SPPL2A: variants seen among roughly 807,000 people sequenced by gnomAD.
SPPL2A encodes the protein signal peptide peptidase-like 2A.
SPPL2A carries 51 observed loss-of-function variants against 63.8 expected under a neutral mutation model. The observed-to-expected ratio is 0.80, with a 90% CI of 0.64 to 1.01. The LOEUF (loss-of-function observed/expected upper bound fraction) is 1.01. SPPL2A is among the 50% of genes least tolerant of loss of function. SPPL2A has a pLI of 0.00. For missense variants in SPPL2A, 553 were observed against 622.7 expected (o/e 0.89, Z 1.19); for synonymous variants, 188 against 205.8 (o/e 0.91, Z 0.74).
intron 2 of SPPL2A, among the ~76,000 whole-genome samples, chr15:50,749,259 A>G (rs1378032181): frequency 6.6e-6 from 1 of 152,094 alleles, no homozygotes; most frequent in African/African-American, 2.4e-5. Context: ...CTAGGGTTAC[A>G]GGTATCAGCC....
chr15:50,755,179 G>A (rs962185517), intron 1 of SPPL2A, among the ~76,000 whole-genome samples: 3 of 151,146 alleles, frequency 2.0e-5, no homozygotes, highest in East Asian at 2.0e-4. Flanking sequence ...TCAGCCAAGC[G>A]TGGTGGCACG....
Position 50,707,520 on chromosome 15 carries a change from G to A in SPPL2A, c.*280C>T, listed in dbSNP as rs1211604581. ...GATTTCGTTAAAAAAAAGTATAGGG[G>A]TGGGTCAAGGCATTTTTTTTTAGAA... On this transcript the variant is annotated 3_prime_UTR_variant, in exon 15 of 15. Transcript: ENST00000261854. 2 of 284,188 alleles carry A rather than the reference G, an allele frequency of 7.0e-6. No individual in the cohort carries two copies. Among genetic ancestry groups the A allele is most frequent in the Non-Finnish European group, 1.3e-5 (2 of 154,014 alleles). The allele number at this position is 284,188 out of a possible 1,614,324, so 17.6% of individuals were successfully genotyped here. A position where few individuals can be genotyped will look rare whatever the true frequency, so the allele number is the denominator to read the frequency against.
In SPPL2A at chr15:50,748,761, T is replaced by A. The variant is rs988179823; in HGVS notation, c.287A>T (p.His96Leu). 6.2e-7 allele frequency: 1 copy of A among 1,612,018 alleles called. No individual in the cohort carries two copies. Among genetic ancestry groups the A allele is most frequent in the Non-Finnish European group, 8.5e-7 (1 of 1,179,210 alleles). Residue 96 changes from histidine to leucine, a missense_variant, in exon 3 of 15, where the codon CAT (histidine) becomes CTT (leucine). His to Leu is a moderately conservative substitution (Grantham distance 99). Coordinates refer to ENST00000261854, the MANE Select transcript of SPPL2A (RefSeq NM_032802.4). Reference sequence around the variant, plus strand: ...TGCAATTCTGGCTTTTTCAAGAAAATGGCAGCTTCCCCATGGAACCACAAC... The same window carrying A: ...TGCAATTCTGGCTTTTTCAAGAAAAAGGCAGCTTCCCCATGGAACCACAAC... ...KAVVVPWGSC[H>L]FLEKARIAQK...
chr15:50,760,463 G>A (rs2063000435), intron 1 of SPPL2A, among the ~76,000 whole-genome samples: 1 of 152,098 alleles, frequency 6.6e-6, no homozygotes, highest in Non-Finnish European at 1.5e-5. Context: ...GTTTCATCAT[G>A]TTGGCCAGGC....
chr15:50,720,293 G>C (rs2062634783), intron 13 of SPPL2A, among the ~76,000 whole-genome samples, 193 bp from the exon 14 acceptor site: 2 of 152,080 alleles, frequency 1.3e-5, no homozygotes, highest in East Asian at 1.9e-4. Context: ...TGTGGAAACT[G>C]GTTAGCATTT....
chr15:50,717,969 T>TG (rs1344030027), intron 14 of SPPL2A, among the ~76,000 whole-genome samples: 687 of 53,868 alleles, frequency 0.013, 6 homozygotes, highest in African/African-American at 0.059. Context: ...GTAACTTTCG[T>TG]TTTTTTTTTT....
intron 10 of SPPL2A, among the ~76,000 whole-genome samples, chr15:50,730,456 TTC>T (rs2062721460): frequency 6.6e-6 from 1 of 151,886 alleles, no homozygotes; most frequent in Non-Finnish European, 1.5e-5. Flanking sequence ...TTCGGTTGGG[TTC>T]TGTTAGTTGG....
chr15:50,741,921 G>T (rs557817507), intron 5 of SPPL2A, among the ~76,000 whole-genome samples: 1 of 151,178 alleles, frequency 6.6e-6, no homozygotes, highest in Non-Finnish European at 1.5e-5. Flanking sequence ...AGCGAAGACC[G>T]CATGCCACCG....
At chr15:50,745,413 G>C (rs2062850258) in intron 5 of SPPL2A, among the ~76,000 whole-genome samples, 1 of 151,986 alleles carries the variant, frequency 6.6e-6, no homozygotes, top group Non-Finnish European at 1.5e-5. Flanking sequence ...AGCCTCCAAA[G>C]AGCTGGGATT....
chr15:50,706,381 C>T lies in SPPL2A; in HGVS notation c.*1419G>A, dbSNP rs1175718138. 3.4e-5 allele frequency: 4 copies of T among 118,804 alleles called. No individual in the cohort carries two copies. The highest frequency in any genetic ancestry group is 9.2e-5 in the African/African-American group (3 of 32,754). 7.4% of individuals were successfully genotyped at this position (118,804 alleles called of 1,614,324 possible). A position where few individuals can be genotyped will look rare whatever the true frequency, so the allele number is the denominator to read the frequency against. On this transcript the variant is annotated 3_prime_UTR_variant, in exon 15 of 15. Coordinates refer to ENST00000261854, the MANE Select transcript of SPPL2A (RefSeq NM_032802.4). ...CTCCAGCCTGGGCGACAGAGCGAGA[C>T]TCCGTCTCAAAAAAAAAAAAAAAAA...
intron 5 of SPPL2A, among the ~76,000 whole-genome samples, chr15:50,742,526 C>T (rs1049554177): frequency 5.3e-5 from 8 of 152,088 alleles, no homozygotes; most frequent in African/African-American, 1.9e-4. Context: ...GGCACATTTT[C>T]CCTTCCCTAA....
At chr15:50,726,253 A>C (rs1042614101) in intron 11 of SPPL2A, 68 bp downstream of exon 11, 1 of 1,546,904 alleles carries the variant, frequency 6.5e-7, no homozygotes, top group South Asian at 1.1e-5. Context: ...TTACACAGGA[A>C]GGCAAATTAT....
At chr15:50,736,914 GTTTT>G (rs757184932) in intron 6 of SPPL2A, among the ~76,000 whole-genome samples, 174 bp from the exon 7 acceptor site, 3 of 149,810 alleles carry the variant, frequency 2.0e-5, no homozygotes, top group Non-Finnish European at 4.5e-5. Flanking sequence ...GAGGTTTTTT[GTTTT>G]TTTTTCTGAG....
chr15:50,749,346 G>GTT (rs1232540332), intron 2 of SPPL2A, among the ~76,000 whole-genome samples: 1 of 151,950 alleles, frequency 6.6e-6, no homozygotes, highest in Non-Finnish European at 1.5e-5. Context: ...GGAGTGCAGT[G>GTT]GCATGATCTC....
At position 50,707,848 on chromosome 15, in the gene SPPL2A, T is replaced by G. The variant is rs1567146208; in HGVS notation, c.1515A>C (p.Thr505=). ...CAGATATCACAGGGTTTTCTTCATT[T>G]GTTGCACAATCCAAATGGTCCATCA... ...YQMMDHLDCA[T]NEENPVISGE... Residue 505 remains threonine (T), a synonymous_variant, in exon 15 of 15, where the codon ACA becomes ACC. Transcript: ENST00000261854. 6.2e-7 allele frequency: 1 copy of G among 1,600,336 alleles called. No individual in the cohort carries two copies. Among genetic ancestry groups the G allele is most frequent in the African/African-American group, 1.3e-5 (1 of 74,796 alleles).
chr15:50,706,813 A>T lies in SPPL2A; in HGVS notation c.*987T>A, dbSNP rs553283294. Reference sequence around the variant, plus strand: ...TGAAATTTAAGCTACATTTAAAAAAAAAAGGCTGTCAAACCAATGAAAACT... The same window carrying T: ...TGAAATTTAAGCTACATTTAAAAAATAAAGGCTGTCAAACCAATGAAAACT... On this transcript the variant is annotated 3_prime_UTR_variant, in exon 15 of 15. Coordinates refer to ENST00000261854, the MANE Select transcript of SPPL2A (RefSeq NM_032802.4). The T allele has an allele frequency of 6.6e-5, 10 of 152,334 alleles. No individual in the cohort carries two copies. Among genetic ancestry groups the T allele is most frequent in the African/African-American group, 2.4e-4 (10 of 41,582 alleles). The allele number at this position is 152,334 out of a possible 1,614,324, so 9.4% of individuals were successfully genotyped here.
chr15:50,705,298 C>T lies in SPPL2A; in HGVS notation c.*2502G>A, dbSNP rs2062499674. 1 of 150,126 alleles carries T rather than the reference C, an allele frequency of 6.7e-6. No individual in the cohort carries two copies. Among genetic ancestry groups the T allele is most frequent in the Admixed American group, 6.7e-5 (1 of 14,996 alleles). The allele number at this position is 150,126 out of a possible 1,614,324, so 9.3% of individuals were successfully genotyped here. Reference sequence around the variant, plus strand: ...GAGGTTGTAGTGAGCCAAGATCTTGCTACTGCACTCCAGCCTGGGTGACAG... The same window carrying T: ...GAGGTTGTAGTGAGCCAAGATCTTGTTACTGCACTCCAGCCTGGGTGACAG... On this transcript the variant is annotated 3_prime_UTR_variant, in exon 15 of 15. Transcript: ENST00000261854.
At chr15:50,751,381 A>C (rs2062904686) in intron 1 of SPPL2A, among the ~76,000 whole-genome samples, 1 of 152,242 alleles carries the variant, frequency 6.6e-6, no homozygotes, top group South Asian at 2.1e-4. Flanking sequence ...AACCTACCTA[A>C]GGTCATATAG....
At chr15:50,747,669 C>T in intron 4 of SPPL2A, 41 bp from the exon 5 acceptor site, 1 of 1,487,422 alleles carries the variant, frequency 6.7e-7, no homozygotes, top group Non-Finnish European at 9.3e-7. Flanking sequence ...AATAACTTTT[C>T]TTTCTACTAT....
Sources: allele counts gnomAD v4.1 joint callset (sites outside exome capture counted in the v4.1 genomes callset), GRCh38; gene constraint gnomAD v4.1.1; transcripts MANE v1.5; gene names NCBI Gene and HGNC (gene_info 2026-07-23, HGNC 2026-07-21).